CHD9: variants seen among roughly 807,000 people sequenced by gnomAD.
The protein encoded by CHD9 is chromodomain helicase DNA binding protein 9.
In CHD9, 77 loss-of-function variants were observed where a neutral mutation model predicts 316.1. The ratio of observed to expected loss-of-function variants is 0.24; its 90% CI spans 0.20 to 0.29. The LOEUF (loss-of-function observed/expected upper bound fraction) is 0.29. Among genes scored for constraint, CHD9 ranks in the 10% least tolerant of loss-of-function variants. The pLI, the probability that CHD9 is intolerant of heterozygous loss-of-function variation, is 1.00. For missense variants in CHD9, 2,763 were observed against 3,438.1 expected (o/e 0.80, Z 4.91); for synonymous variants, 1,129 against 1,158.3 (o/e 0.97, Z 0.51).
At chr16:53,136,676 C>G (rs1027471695) in intron 1 of CHD9, among the ~76,000 whole-genome samples, 1 of 151,988 alleles carries the variant, frequency 6.6e-6, no homozygotes, top group African/African-American at 2.4e-5. Context: ...TTAGGGAATG[C>G]TTTATTTCAT....
chr16:53,228,120 A>G (rs1389582408), intron 7 of CHD9, among the ~76,000 whole-genome samples: 1 of 152,098 alleles, frequency 6.6e-6, no homozygotes, highest in African/African-American at 2.4e-5. Flanking sequence ...TATTTTCCAG[A>G]AAATGTTCAT....
intron 2 of CHD9, among the ~76,000 whole-genome samples, chr16:53,175,866 A>G (rs2043064867): frequency 6.6e-6 from 1 of 152,222 alleles, no homozygotes; most frequent in South Asian, 2.1e-4. Context: ...AGATAAGGAC[A>G]TGAAGCATAG....
At chr16:53,233,815 A>C (rs1294392942) in intron 10 of CHD9, among the ~76,000 whole-genome samples, 1 of 152,166 alleles carries the variant, frequency 6.6e-6, no homozygotes, top group Non-Finnish European at 1.5e-5. Context: ...ACAATATCAC[A>C]CCTGATTATC....
chr16:53,118,824 G>C (rs1597046436), intron 1 of CHD9, among the ~76,000 whole-genome samples: 2 of 116,546 alleles, frequency 1.7e-5, no homozygotes, highest in South Asian at 5.3e-4. Flanking sequence ...ACAGAGTCTT[G>C]CTCTGTTGCC....
In CHD9 at chr16:53,233,798, A is replaced by G. The variant is rs568657340; in HGVS notation, c.2512-1387A>G. On this transcript the variant is annotated intron_variant, in intron 10 of 38. Transcript: ENST00000447540. ...GGAAATGGGAATGAAGATCAAATAC[A>G]TATTTCACAATATCACACCTGATTA... is the stretch of plus-strand genomic sequence containing the variant. 2.6e-4 allele frequency among the ~76,000 whole-genome samples: 39 copies of G among 152,300 alleles called. No homozygotes were observed. In the East Asian group the frequency reaches 7.1e-3, roughly 28 times the overall value.
chr16:53,100,312 A>G (rs1195861841), intron 1 of CHD9, among the ~76,000 whole-genome samples: 1 of 152,150 alleles, frequency 6.6e-6, no homozygotes, highest in African/African-American at 2.4e-5. Flanking sequence ...TGTCCTCTGA[A>G]TGTGAGGAGA....
intron 21 of CHD9, 73 bp from the exon 22 acceptor site, chr16:53,267,854 C>T (rs1277104751): frequency 1.5e-6 from 2 of 1,352,356 alleles, no homozygotes; most frequent in Non-Finnish European, 2.1e-6. Context: ...TTTTTCATTC[C>T]TTTTATCTAT....
At chr16:53,058,828 TG>T (rs542557400) in intron 1 of CHD9, among the ~76,000 whole-genome samples, 52 of 152,196 alleles carry the variant, frequency 3.4e-4, no homozygotes, top group African/African-American at 1.2e-3. Flanking sequence ...TTGGGTTTTT[TG>T]TTTTGTTTTG....
In CHD9 at chr16:53,227,421, C is replaced by A; in HGVS notation, c.2069C>A (p.Ala690Glu). 6.4e-7 allele frequency: 1 copy of A among 1,568,994 alleles called. No homozygotes were observed. The highest frequency in any genetic ancestry group is 8.7e-7 in the Non-Finnish European group (1 of 1,156,006). The change falls in exon 6 of 39, where the codon GCA (alanine) becomes GAA (glutamate). Residue 690 changes from alanine to glutamate, a missense_variant. Transcript: ENST00000447540. ...FVENPSEEDA[A>E]IVDKILSSRT... ...GAGAATCCGAGTGAAGAAGATGCTG[C>A]AATTGTAGACAAAATTCTATCTTCT...
At chr16:53,059,837 C>T (rs1385343483) in intron 1 of CHD9, among the ~76,000 whole-genome samples, 1 of 152,122 alleles carries the variant, frequency 6.6e-6, no homozygotes, top group Non-Finnish European at 1.5e-5. Flanking sequence ...CAACTTTAAG[C>T]GAAATGACGT....
chr16:53,156,115 T>G lies in CHD9; in HGVS notation c.26T>G (p.Phe9Cys), dbSNP rs760520068. Reference sequence around the variant, plus strand: ...ATGACAGATCCAATGATGGACTTTTTTGATGATGCCAATCTTTTTGGTGAG... The same window carrying G: ...ATGACAGATCCAATGATGGACTTTTGTGATGATGCCAATCTTTTTGGTGAG... MTDPMMDF[F>C]DDANLFGETL... is the part of the protein sequence containing the mutation. Residue 9 changes from phenylalanine to cysteine, a missense_variant, in exon 2 of 39, where the codon TTT becomes TGT. Transcript: ENST00000447540. The G allele has an allele frequency of 6.2e-7, 1 of 1,613,180 alleles. No individual in the cohort carries two copies. Among genetic ancestry groups the G allele is most frequent in the Non-Finnish European group, 8.5e-7 (1 of 1,179,546 alleles).
rs2049539266 is a variant in CHD9 at position 53,245,886 on chromosome 16, T to C, written c.3454+36T>C. ...AAGATTACAACAAATATGTTTTTTCTTGCAACAAATACTAATGAATAAATA... is the reference window on the plus strand; with the variant it reads ...AAGATTACAACAAATATGTTTTTTCCTGCAACAAATACTAATGAATAAATA... On this transcript the variant is annotated intron_variant, in intron 15 of 38. Coordinates refer to ENST00000447540, the MANE Select transcript of CHD9 (RefSeq NM_001308319.2). This position sits in a 1 kb window ranked among gnomAD's most constrained non-coding sequence, Gnocchi z 4.1. 2 of 1,377,172 alleles carry C rather than the reference T, an allele frequency of 1.5e-6. No individual in the cohort carries two copies. The highest frequency in any genetic ancestry group is 1.9e-6 in the Non-Finnish European group (2 of 1,039,870). 85.3% of individuals were successfully genotyped at this position (1,377,172 alleles called of 1,614,324 possible). A position where few individuals can be genotyped will look rare whatever the true frequency, so the allele number is the denominator to read the frequency against.
chr16:53,171,861 G>GACACACAC (rs750572537), intron 2 of CHD9, among the ~76,000 whole-genome samples: 6 of 124,850 alleles, frequency 4.8e-5, no homozygotes, highest in Non-Finnish European at 7.1e-5. Flanking sequence ...CACACACACA[G>GACACACAC]ACACACACAC....
intron 20 of CHD9, among the ~76,000 whole-genome samples, chr16:53,265,046 A>C (rs892094579): frequency 6.6e-6 from 1 of 152,178 alleles, no homozygotes; most frequent in Non-Finnish European, 1.5e-5. Context: ...GTAAAAAATT[A>C]AGGACTTTTC....
chr16:53,220,480 T>G (rs1047210389), intron 3 of CHD9, among the ~76,000 whole-genome samples: 1 of 152,206 alleles, frequency 6.6e-6, no homozygotes, highest in African/African-American at 2.4e-5. Context: ...GATTACCATC[T>G]TTTTCTCTCC....
intron 12 of CHD9, among the ~76,000 whole-genome samples, chr16:53,240,035 C>G (rs951086044): frequency 6.6e-6 from 1 of 152,092 alleles, no homozygotes; most frequent in African/African-American, 2.4e-5. Context: ...TTAAGTGATC[C>G]TCCCAAGTAG....
chr16:53,131,480 C>A (rs1240668972), intron 1 of CHD9, among the ~76,000 whole-genome samples: 1 of 148,084 alleles, frequency 6.8e-6, no homozygotes. Context: ...CGGCCCAGCC[C>A]GCCCGCGGCC....
At chr16:53,246,629 G>T (rs951023773) in intron 15 of CHD9, among the ~76,000 whole-genome samples, 3 of 151,974 alleles carry the variant, frequency 2.0e-5, no homozygotes, top group Non-Finnish European at 4.4e-5. Flanking sequence ...TGACCCTTCT[G>T]CCTCAGCCTC....
chr16:53,061,510 G>T (rs914462556), intron 1 of CHD9, among the ~76,000 whole-genome samples: 4 of 152,128 alleles, frequency 2.6e-5, no homozygotes, highest in African/African-American at 9.7e-5. Flanking sequence ...ATCCCAGGAA[G>T]CCCAGTGAGA....
Sources: allele counts gnomAD v4.1 joint callset (sites outside exome capture counted in the v4.1 genomes callset), GRCh38; gene constraint gnomAD v4.1.1; non-coding constraint Gnocchi (gnomAD v3.1); transcripts MANE v1.5; gene names NCBI Gene and HGNC (gene_info 2026-07-23, HGNC 2026-07-21).